UBE3D: variants seen among roughly 807,000 people sequenced by gnomAD.
UBE3D encodes the protein E3 ubiquitin-protein ligase E3D.
A neutral mutation model predicts 49.6 loss-of-function variants in UBE3D; 48 were observed. The ratio of observed to expected loss-of-function variants is 0.97; its 90% CI spans 0.77 to 1.23. The LOEUF (loss-of-function observed/expected upper bound fraction) is 1.23. UBE3D is among the 50% of genes most tolerant of loss of function. The pLI is 0.00. For missense variants in UBE3D, 452 were observed against 468.4 expected, an observed-to-expected ratio of 0.96 and a Z score of 0.32; for synonymous variants, 189 against 174.2, an observed-to-expected ratio of 1.08 and a Z score of -0.67.
intron 9 of UBE3D, among the ~76,000 whole-genome samples, chr6:82,913,760 A>T (rs1331080911): frequency 2.0e-5 from 3 of 152,212 alleles, no homozygotes; most frequent in Non-Finnish European, 4.4e-5. Flanking sequence ...AAAACAAAAC[A>T]AACCCAGAAC....
At chr6:83,048,727 A>G (rs1292607581) in intron 3 of UBE3D, among the ~76,000 whole-genome samples, 1 of 152,254 alleles carries the variant, frequency 6.6e-6, no homozygotes, top group Non-Finnish European at 1.5e-5. Flanking sequence ...GAGTTTTTAA[A>G]GCAGAAAAAA....
intron 4 of UBE3D, among the ~76,000 whole-genome samples, chr6:83,042,698 A>G (rs1782758171): frequency 6.6e-6 from 1 of 152,180 alleles, no homozygotes; most frequent in Non-Finnish European, 1.5e-5. Flanking sequence ...GTGTCGTTTC[A>G]ATTTCTAAGG....
chr6:82,965,579 A>T (rs1776858673), intron 8 of UBE3D, among the ~76,000 whole-genome samples: 1 of 93,272 alleles, frequency 1.1e-5, no homozygotes. Context: ...GCGAAACTCC[A>T]TCTCAAAAAA....
chr6:82,916,526 G>A (rs1245210065), intron 9 of UBE3D, among the ~76,000 whole-genome samples: 1 of 152,100 alleles, frequency 6.6e-6, no homozygotes, highest in African/African-American at 2.4e-5. Flanking sequence ...AAATTATGTA[G>A]CCATTTTATT....
intron 8 of UBE3D, among the ~76,000 whole-genome samples, chr6:82,964,590 A>T (rs1776778805): frequency 6.6e-6 from 1 of 152,204 alleles, no homozygotes; most frequent in African/African-American, 2.4e-5. Flanking sequence ...TTATACCTGT[A>T]AATTTTAGAT....
intron 9 of UBE3D, among the ~76,000 whole-genome samples, chr6:82,922,720 TCTAATTAAACTAAAGAG>T (rs1434900473): frequency 6.6e-6 from 1 of 151,968 alleles, no homozygotes; most frequent in Non-Finnish European, 1.5e-5. Flanking sequence ...ACAAATGGGA[TCTAATTAAACTAAAGAG>T]CTTCTGCACA....
intron 8 of UBE3D, among the ~76,000 whole-genome samples, chr6:82,985,348 G>GT (rs1156769255): frequency 6.6e-6 from 1 of 151,544 alleles, no homozygotes; most frequent in Admixed American, 6.6e-5. Context: ...ATGTGGTTTT[G>GT]TTTTTTTGTT....
Position 82,911,196 on chromosome 6 carries a change from C to CAAAAAAA in UBE3D, c.1150-18161_1150-18155dup, listed in dbSNP as rs1156620624. Reference sequence around the variant, plus strand: ...GTAGGTCACAGCAAGAACATTTTGGCAAAAAAAAAAAAAAAAAAAAAAAAA... The same window carrying CAAAAAAA: ...GTAGGTCACAGCAAGAACATTTTGGCAAAAAAAAAAAAAAAAAAAAAAAAAAAAAAAA... On this transcript the variant is annotated intron_variant, in intron 9 of 9. Transcript: ENST00000369747. 3.7e-3 allele frequency among the ~76,000 whole-genome samples: 144 copies of CAAAAAAA among 39,304 alleles called. 7 individuals are homozygous for CAAAAAAA. Among genetic ancestry groups the CAAAAAAA allele is most frequent in the East Asian group, 4.9e-3 (5 of 1,024 alleles). The allele number at this position is 39,304 out of a possible 152,430, so 25.8% of individuals were successfully genotyped here.
chr6:82,959,632 G>A (rs775098493), intron 8 of UBE3D, among the ~76,000 whole-genome samples: 8 of 145,412 alleles, frequency 5.5e-5, no homozygotes, highest in African/African-American at 1.3e-4. Context: ...TTTGGAATGC[G>A]TGTCTTTAAG....
intron 8 of UBE3D, among the ~76,000 whole-genome samples, chr6:82,979,884 G>A (rs529283978): frequency 5.9e-4 from 89 of 152,100 alleles, no homozygotes; most frequent in African/African-American, 1.9e-3. Context: ...TCAAGATAAC[G>A]GCCCCCAGTT....
At chr6:83,006,231 C>G (rs1779969928) in intron 8 of UBE3D, among the ~76,000 whole-genome samples, 2 of 151,712 alleles carry the variant, frequency 1.3e-5, no homozygotes, top group South Asian at 4.2e-4. Context: ...TTTCAAAAAA[C>G]AAACAAACAA....
chr6:83,024,444 G>T (rs1390109857), intron 5 of UBE3D, among the ~76,000 whole-genome samples: 1 of 152,118 alleles, frequency 6.6e-6, no homozygotes, highest in Non-Finnish European at 1.5e-5. Context: ...CCAGATAAAG[G>T]CAGTTCTAAT....
chr6:82,984,180 C>T (rs1778305981), intron 8 of UBE3D, among the ~76,000 whole-genome samples: 1 of 152,012 alleles, frequency 6.6e-6, no homozygotes, highest in African/African-American at 2.4e-5. Flanking sequence ...CTTCAATAAA[C>T]AATAGCACAC....
chr6:82,931,331 A>T (rs1455946229), intron 9 of UBE3D, among the ~76,000 whole-genome samples: 1 of 152,178 alleles, frequency 6.6e-6, no homozygotes, highest in Non-Finnish European at 1.5e-5. Flanking sequence ...CGGAGCCCCG[A>T]CCCAGAGTCC....
chr6:83,021,307 G>T (rs1035593855), intron 7 of UBE3D, among the ~76,000 whole-genome samples: 1 of 152,110 alleles, frequency 6.6e-6, no homozygotes, highest in East Asian at 1.9e-4. Flanking sequence ...TGGGAATGGT[G>T]GAGTAGGCCT....
intron 9 of UBE3D, among the ~76,000 whole-genome samples, chr6:82,926,000 C>A (rs1377953304): frequency 7.0e-6 from 1 of 143,076 alleles, no homozygotes; most frequent in Non-Finnish European, 1.5e-5. Flanking sequence ...AGTCTAAAAT[C>A]TTATTAAAAA....
downstream of UBE3D, among the ~76,000 whole-genome samples, chr6:82,889,794 G>T (rs1770948716): frequency 6.6e-6 from 1 of 151,960 alleles, no homozygotes. Context: ...TCTATCTGCA[G>T]TACCTGTAAC....
the UBE3D span, among the ~76,000 whole-genome samples, chr6:82,882,511 C>T: frequency 6.6e-6 from 1 of 152,190 alleles, no homozygotes; most frequent in African/African-American, 2.4e-5. Flanking sequence ...CTACCTTCCA[C>T]CTATGCTTTG....
At chr6:82,884,650 A>G in the UBE3D span, among the ~76,000 whole-genome samples, 1 of 152,196 alleles carries the variant, frequency 6.6e-6, no homozygotes, top group Admixed American at 6.5e-5. Flanking sequence ...AAAAGTGCTC[A>G]CTTATCTGAA....
Sources: allele counts gnomAD v4.1 joint callset (sites outside exome capture counted in the v4.1 genomes callset), GRCh38; gene constraint gnomAD v4.1.1; transcripts MANE v1.5; gene names NCBI Gene and HGNC (gene_info 2026-07-23, HGNC 2026-07-21).